Variants in ARFIP1 observed in about 807,000 individuals in gnomAD.
ARFIP1 encodes arfaptin-1.
A neutral mutation model predicts 42.5 loss-of-function variants in ARFIP1; 24 were observed. That is an observed-to-expected ratio of 0.57 (90% CI 0.41 to 0.80). The LOEUF is 0.80. Ranked by LOEUF, ARFIP1 falls within the 30% of genes least tolerant of loss-of-function variation. ARFIP1 has a pLI of 0.00. For synonymous variants in ARFIP1, 141 were observed against 153.7 expected (o/e 0.92, Z 0.61); for missense variants, 354 against 434.0 (o/e 0.82, Z 1.64).
chr4:152,875,378 T>TAAAAAAAAAAA (rs11302481), intron 5 of ARFIP1, among the ~76,000 whole-genome samples: 1 of 100,160 alleles, frequency 1.0e-5, no homozygotes, highest in African/African-American at 3.4e-5. Context: ...TCTTTTTTTA[T>TAAAAAAAAAAA]AAAAAAAAAA....
At chr4:152,792,084 G>T (rs761418013) in intron 1 of ARFIP1, among the ~76,000 whole-genome samples, 42 of 152,192 alleles carry the variant, frequency 2.8e-4, no homozygotes, top group Non-Finnish European at 4.6e-4. Context: ...AATAATAACT[G>T]ATCTCTGGAA....
chr4:152,889,498 CATATATATATATATATATATATATAT>C (rs71595203), intron 8 of ARFIP1, among the ~76,000 whole-genome samples: 1 of 42,772 alleles, frequency 2.3e-5, no homozygotes, highest in Non-Finnish European at 4.9e-5. Context: ...TCATTTTAGT[CATATATATATATATATATATATATAT>C]ATATATATAT....
At chr4:152,837,238 A>C (rs1731725962) in intron 2 of ARFIP1, among the ~76,000 whole-genome samples, 1 of 151,896 alleles carries the variant, frequency 6.6e-6, no homozygotes. Context: ...CACTATAAAC[A>C]TGTGTGTGCA....
chr4:152,843,174 T>A (rs1211747038), intron 2 of ARFIP1, among the ~76,000 whole-genome samples: 2 of 152,090 alleles, frequency 1.3e-5, no homozygotes, highest in East Asian at 3.9e-4. Flanking sequence ...CAAACTACAG[T>A]GATTTTTGTC....
At chr4:152,878,894 C>T (rs1735589293) in intron 5 of ARFIP1, among the ~76,000 whole-genome samples, 1 of 152,030 alleles carries the variant, frequency 6.6e-6, no homozygotes, top group Admixed American at 6.5e-5. Flanking sequence ...GAGTAAATGT[C>T]TCTGATAATA....
intron 1 of ARFIP1, among the ~76,000 whole-genome samples, chr4:152,790,124 T>A (rs1731061878): frequency 6.6e-6 from 1 of 152,228 alleles, no homozygotes; most frequent in Non-Finnish European, 1.5e-5. Flanking sequence ...TGTAACTATA[T>A]ATATGTTAAG....
intron 2 of ARFIP1, among the ~76,000 whole-genome samples, chr4:152,854,031 A>C (rs1231464554): frequency 4.0e-5 from 6 of 148,730 alleles, no homozygotes; most frequent in Non-Finnish European, 8.9e-5. Flanking sequence ...TCCTGCCTCA[A>C]CCTCCTGTGC....
intron 1 of ARFIP1, among the ~76,000 whole-genome samples, chr4:152,826,452 T>G (rs1730845660): frequency 6.6e-6 from 1 of 152,028 alleles, no homozygotes; most frequent in Non-Finnish European, 1.5e-5. Flanking sequence ...AGTGGCATAA[T>G]GGACATTGGA....
At position 152,863,660 on chromosome 4, in the gene ARFIP1, T is replaced by C. The variant is rs1310932108; in HGVS notation, c.148T>C (p.Ser50Pro). ...GLGLSETQIT[S>P]HGFDNTKEGV... ...TGGTCTCTCAGAAACCCAAATTACA[T>C]CTCATGGCTTTGACAATACCAAAGA... is the stretch of plus-strand genomic sequence containing the variant. The change falls in exon 3 of 9, where the codon TCT becomes CCT. Residue 50 changes from serine (S) to proline (P), a missense_variant. Ser to Pro is a moderately conservative substitution (Grantham distance 74). Transcript: ENST00000353617. 1.9e-6 allele frequency: 3 copies of C among 1,611,482 alleles called. No homozygotes were observed. Among genetic ancestry groups the C allele is most frequent in the East Asian group, 2.2e-5 (1 of 44,738 alleles).
chr4:152,863,493 T>C (rs945044419), intron 2 of ARFIP1, 113 bp from the exon 3 acceptor site: 9 of 615,268 alleles, frequency 1.5e-5, no homozygotes, highest in African/African-American at 3.7e-5. Context: ...GAATACCGCA[T>C]AGCAGAGAGA....
In ARFIP1 at chr4:152,907,920, A is replaced by G. The variant is rs149172638; in HGVS notation, c.967-2144A>G. ...TTCTTAGCGGTAAAATTACAGTTCC[A>G]TAGGGCATTTATATCTTTCATTTTA... is the stretch of plus-strand genomic sequence containing the variant. On this transcript the variant is annotated intron_variant, in intron 8 of 8. Transcript: ENST00000353617. 9.8e-4 allele frequency among the ~76,000 whole-genome samples: 149 copies of G among 152,364 alleles called. 1 individual carries two copies. Among genetic ancestry groups the G allele is most frequent in the African/African-American group, 3.3e-3 (139 of 41,590 alleles).
At chr4:152,804,459 T>A (rs1482192142) in intron 1 of ARFIP1, among the ~76,000 whole-genome samples, 7 of 111,232 alleles carry the variant, frequency 6.3e-5, no homozygotes, top group East Asian at 2.4e-4. Flanking sequence ...ATATTATATA[T>A]AATATATAAT....
chr4:152,884,985 ATGT>A (rs1014913684), intron 7 of ARFIP1, among the ~76,000 whole-genome samples: 2 of 152,024 alleles, frequency 1.3e-5, no homozygotes, highest in African/African-American at 2.4e-5. Context: ...AACAACAGTA[ATGT>A]TGTTTTTGTT....
At chr4:152,835,202 C>A (rs1473586908) in intron 2 of ARFIP1, among the ~76,000 whole-genome samples, 1 of 152,238 alleles carries the variant, frequency 6.6e-6, no homozygotes, top group Non-Finnish European at 1.5e-5. Flanking sequence ...CAGGGCCAGC[C>A]TGCAAATTTT....
chr4:152,795,256 A>G (rs1578811375), intron 1 of ARFIP1, among the ~76,000 whole-genome samples: 1 of 152,294 alleles, frequency 6.6e-6, no homozygotes, highest in Non-Finnish European at 1.5e-5. Flanking sequence ...TGAACATAAC[A>G]TACCATAGGG....
rs1350840268 is a variant in ARFIP1 at position 152,804,327 on chromosome 4, A to G, written c.-10+24101A>G. On this transcript the variant is annotated intron_variant, in intron 1 of 8. Coordinates refer to ENST00000353617, the MANE Select transcript of ARFIP1 (RefSeq NM_001025595.3). ...ATATATATATAACATAACATGTATTATATATATTTTATATATATAATATAA... is the reference window on the plus strand; with the variant it reads ...ATATATATATAACATAACATGTATTGTATATATTTTATATATATAATATAA... Among the ~76,000 whole-genome samples, 3 of 73,196 alleles carry G rather than the reference A, an allele frequency of 4.1e-5. 1 individual carries two copies. The highest frequency in any genetic ancestry group is 1.8e-4 in the African/African-American group (3 of 17,110). The allele number at this position is 73,196 out of a possible 152,430, so 48.0% of individuals were successfully genotyped here.
chr4:152,803,985 TTTATA>T (rs1436313003), intron 1 of ARFIP1, among the ~76,000 whole-genome samples: 12 of 135,804 alleles, frequency 8.8e-5, no homozygotes, highest in Admixed American at 4.2e-4. Flanking sequence ...TTATATATAT[TTTATA>T]TATATAATAT....
At chr4:152,901,039 G>A (rs1318597203) in intron 8 of ARFIP1, among the ~76,000 whole-genome samples, 2 of 151,996 alleles carry the variant, frequency 1.3e-5, no homozygotes, top group African/African-American at 4.8e-5. Flanking sequence ...TACTTTCAGT[G>A]GCAAAACCTG....
chr4:152,856,180 A>C (rs1439101440), intron 2 of ARFIP1, among the ~76,000 whole-genome samples: 1 of 152,210 alleles, frequency 6.6e-6, no homozygotes, highest in African/African-American at 2.4e-5. Flanking sequence ...TTAATAACAC[A>C]TTACTTAGCT....
Sources: allele counts gnomAD v4.1 joint callset (sites outside exome capture counted in the v4.1 genomes callset), GRCh38; gene constraint gnomAD v4.1.1; transcripts MANE v1.5; gene names NCBI Gene and HGNC (gene_info 2026-07-23, HGNC 2026-07-21).